Variants in UNC13C observed in about 807,000 individuals in gnomAD.
The protein encoded by UNC13C is protein unc-13 homolog C.
UNC13C carries 174 observed loss-of-function variants against 245.4 expected under a neutral mutation model. That is an observed-to-expected ratio of 0.71 (90% CI 0.63 to 0.80). UNC13C has a LOEUF of 0.80. Among genes scored for constraint, UNC13C ranks in the 30% least tolerant of loss-of-function variants. The pLI is 0.00. For missense variants in UNC13C, 2,829 were observed against 2,602.9 expected (o/e 1.09, Z -1.89); for synonymous variants, 992 against 895.1 (o/e 1.11, Z -1.93).
At chr15:54,594,934 C>T (rs1174625021) in intron 30 of UNC13C, among the ~76,000 whole-genome samples, 1 of 152,226 alleles carries the variant, frequency 6.6e-6, no homozygotes, top group African/African-American at 2.4e-5. Context: ...CGGCCCAGAG[C>T]TCTTGGGCTC....
intron 2 of UNC13C, among the ~76,000 whole-genome samples, chr15:54,072,764 A>G (rs1303645192): frequency 6.6e-6 from 1 of 152,178 alleles, no homozygotes; most frequent in Non-Finnish European, 1.5e-5. Context: ...GATCTGAATA[A>G]AAGAACATTT....
chr15:53,850,551 C>T, the UNC13C span, among the ~76,000 whole-genome samples: 1 of 152,122 alleles, frequency 6.6e-6, no homozygotes, highest in African/African-American at 2.4e-5. Flanking sequence ...TACGAATCTG[C>T]AATCATTCCT....
chr15:54,162,367 C>T (rs2033011312), intron 4 of UNC13C, among the ~76,000 whole-genome samples: 1 of 152,128 alleles, frequency 6.6e-6, no homozygotes, highest in Non-Finnish European at 1.5e-5. Flanking sequence ...ACTATGCAAT[C>T]ATGGATAGAC....
chr15:54,237,646 T>C lies in UNC13C; in HGVS notation c.3184T>C (p.Ser1062Pro). The change falls in exon 7 of 33, where the codon TCC (serine) becomes CCC (proline). Residue 1062 changes from serine to proline, a missense_variant. By Grantham distance (74) the Ser-to-Pro change is moderately conservative. Coordinates refer to ENST00000260323, the MANE Select transcript of UNC13C (RefSeq NM_001080534.3). ...CCTGGCTGCCCGGAAATCTGGACTC[T>C]CCCTGGCTATGGTGATTAGGACATC... The part of the protein sequence containing the change: ...MTLAARKSGL[S>P]LAMVIRTSLN... 1.2e-6 allele frequency: 2 copies of C among 1,612,554 alleles called. No homozygotes were observed. The highest frequency in any genetic ancestry group is 1.3e-5 in the African/African-American group (1 of 75,008).
At chr15:54,523,667 C>T (rs2141135668) in intron 24 of UNC13C, among the ~76,000 whole-genome samples, 1 of 152,244 alleles carries the variant, frequency 6.6e-6, no homozygotes, top group East Asian at 1.9e-4. Context: ...TGGTGATAAT[C>T]CTACCTCAAT....
intron 4 of UNC13C, among the ~76,000 whole-genome samples, chr15:54,222,932 T>A (rs1160764381): frequency 6.6e-6 from 1 of 151,932 alleles, no homozygotes; most frequent in Non-Finnish European, 1.5e-5. Context: ...CCATTTTTAA[T>A]CAGATTATTA....
At chr15:54,405,470 A>G (rs2040272357) in intron 18 of UNC13C, among the ~76,000 whole-genome samples, 2 of 152,166 alleles carry the variant, frequency 1.3e-5, no homozygotes. Context: ...AATGTCAGAA[A>G]AACAAACTCT....
intron 1 of UNC13C, among the ~76,000 whole-genome samples, chr15:53,985,365 A>G (rs12438683): frequency 7.3e-6 from 1 of 137,702 alleles, no homozygotes; most frequent in Non-Finnish European, 1.6e-5. Flanking sequence ...TTTAAATTTT[A>G]TTATTATTAT....
intron 8 of UNC13C, among the ~76,000 whole-genome samples, chr15:54,256,677 C>T (rs1335061486): frequency 2.0e-5 from 3 of 152,108 alleles, no homozygotes; most frequent in African/African-American, 7.2e-5. Context: ...ATGACAACGA[C>T]AACAACAACG....
At chr15:54,012,582 G>A (rs1205880921) in intron 1 of UNC13C, among the ~76,000 whole-genome samples, 66 bp from the exon 2 acceptor site, 1 of 152,096 alleles carries the variant, frequency 6.6e-6, no homozygotes, top group Non-Finnish European at 1.5e-5. Context: ...CTTTTGAAAC[G>A]TGTTGGAAAT....
chr15:54,269,765 G>A (rs2036638439), intron 10 of UNC13C, among the ~76,000 whole-genome samples: 1 of 152,108 alleles, frequency 6.6e-6, no homozygotes, highest in Non-Finnish European at 1.5e-5. Flanking sequence ...ATTATTGGCA[G>A]TTTTCATATA....
At chr15:54,480,697 G>T (rs1017185865) in intron 19 of UNC13C, among the ~76,000 whole-genome samples, 2 of 152,048 alleles carry the variant, frequency 1.3e-5, no homozygotes, top group African/African-American at 4.8e-5. Flanking sequence ...TAATTTTTAA[G>T]TATTTCATAT....
chr15:54,010,989 TAA>T (rs1473557491), intron 1 of UNC13C, among the ~76,000 whole-genome samples: 1 of 152,134 alleles, frequency 6.6e-6, no homozygotes. Flanking sequence ...AATTCTTCGA[TAA>T]AGAGTGGCTA....
chr15:54,134,850 A>G lies in UNC13C; in HGVS notation c.2984-8168A>G, dbSNP rs148968633. Among the ~76,000 whole-genome samples the G allele has an allele frequency of 9.4e-3, 1,426 of 152,240 alleles. 13 individuals carry two copies. Among genetic ancestry groups the G allele is most frequent in the Non-Finnish European group, 0.016 (1,065 of 68,012 alleles). ...TTATACCTATAAGTGAGATTGCTGG[A>G]TTATTATAGTAGTTCTAGTTTTATG... On this transcript the variant is annotated intron_variant, in intron 2 of 32. Coordinates refer to ENST00000260323, the MANE Select transcript of UNC13C (RefSeq NM_001080534.3).
intron 17 of UNC13C, among the ~76,000 whole-genome samples, chr15:54,348,530 T>A (rs1466720786): frequency 6.6e-6 from 1 of 152,166 alleles, no homozygotes; most frequent in Non-Finnish European, 1.5e-5. Context: ...AGACGGAATG[T>A]GATATGTATA....
intron 2 of UNC13C, among the ~76,000 whole-genome samples, chr15:54,026,605 C>G (rs117294723): frequency 0.012 from 1,807 of 152,250 alleles, 15 homozygotes; most frequent in Non-Finnish European, 0.016. Context: ...ACCCATGGAT[C>G]ACATTAAGAA....
At chr15:54,442,390 T>C (rs1890577936) in intron 19 of UNC13C, among the ~76,000 whole-genome samples, 1 of 151,948 alleles carries the variant, frequency 6.6e-6, no homozygotes, top group Admixed American at 6.6e-5. Context: ...GCTCAGCTAA[T>C]TTTTGTATTT....
At chr15:53,892,690 A>G in the UNC13C span, among the ~76,000 whole-genome samples, 1 of 151,964 alleles carries the variant, frequency 6.6e-6, no homozygotes, top group Non-Finnish European at 1.5e-5. Flanking sequence ...TGTATGCTTC[A>G]TGAAGTTCTC....
At chr15:53,976,494 T>TTTTTTTTTTTTTG (rs1893709105), upstream of UNC13C, among the ~76,000 whole-genome samples, 3 of 137,038 alleles carry the variant, frequency 2.2e-5, 1 homozygote, top group Non-Finnish European at 4.7e-5. Context: ...TTTTTTTTTT[T>TTTTTTTTTTTTTG]TCAGTCTTGC....
Sources: gnomAD v4.1 joint callset for allele counts (sites outside exome capture counted in the v4.1 genomes callset) on GRCh38, gnomAD v4.1.1 for gene constraint, MANE v1.5 for transcripts, NCBI Gene and HGNC (gene_info 2026-07-23, HGNC 2026-07-21) for gene names.